The following FANCL variants were observed in gnomAD, a reference collection of about 807,000 sequenced individuals.
The protein encoded by FANCL is E3 ubiquitin-protein ligase FANCL.
FANCL carries 69 observed loss-of-function variants against 59.4 expected under a neutral mutation model. The ratio of observed to expected loss-of-function variants is 1.16; its 90% CI spans 0.96 to 1.42. The LOEUF (loss-of-function observed/expected upper bound fraction) is 1.42, where lower values mean the gene tolerates loss of function less well. Among genes scored for constraint, FANCL ranks in the 40% most tolerant of loss-of-function variants. The probability of loss-of-function intolerance (pLI) is 0.00; values close to 1 mark genes in which losing one functional copy is unlikely to be tolerated. For synonymous variants in FANCL, 180 were observed against 147.1 expected (o/e 1.22, Z -1.62); for missense variants, 519 against 447.2 (o/e 1.16, Z -1.45).
At chr2:58,213,239 TTTAAA>T (rs1392057553) in intron 5 of FANCL, among the ~76,000 whole-genome samples, 2 of 152,198 alleles carry the variant, frequency 1.3e-5, no homozygotes, top group Admixed American at 6.5e-5. Context: ...CAAAAGATAA[TTTAAA>T]TTAAGAATTT....
At chr2:58,165,632 AG>A in intron 8 of FANCL, 91 bp downstream of exon 8, 2 of 1,484,518 alleles carry the variant, frequency 1.3e-6, no homozygotes, top group Non-Finnish European at 1.9e-6. Context: ...CTTCATATAA[AG>A]AAGTCTGAGT....
At chr2:58,201,213 G>A (rs1162671575) in intron 6 of FANCL, among the ~76,000 whole-genome samples, 3 of 151,152 alleles carry the variant, frequency 2.0e-5, no homozygotes, top group Non-Finnish European at 4.4e-5. Flanking sequence ...TAAAACCACT[G>A]ACAACTAATT....
At chr2:58,194,441 G>A (rs937585349) in intron 7 of FANCL, among the ~76,000 whole-genome samples, 1 of 152,148 alleles carries the variant, frequency 6.6e-6, no homozygotes, top group African/African-American at 2.4e-5. Context: ...TTAGAAAGTA[G>A]AATAAAATTA....
At chr2:58,206,286 A>C (rs915979241) in intron 5 of FANCL, among the ~76,000 whole-genome samples, 2 of 152,136 alleles carry the variant, frequency 1.3e-5, no homozygotes, top group African/African-American at 4.8e-5. Context: ...TAATCAGTTC[A>C]TAATTCCTAA....
intron 7 of FANCL, among the ~76,000 whole-genome samples, chr2:58,168,535 T>A (rs13032851): frequency 6.6e-6 from 1 of 151,958 alleles, no homozygotes; most frequent in Non-Finnish European, 1.5e-5. Context: ...TGGGCAGACA[T>A]TGAGCTAGCT....
chr2:58,194,711 T>G (rs1689264406), intron 7 of FANCL, among the ~76,000 whole-genome samples: 1 of 151,940 alleles, frequency 6.6e-6, no homozygotes, highest in African/African-American at 2.4e-5. Flanking sequence ...CTACTAGGCT[T>G]GTCATGACGC....
At chr2:58,173,876 T>C (rs1298892830) in intron 7 of FANCL, among the ~76,000 whole-genome samples, 1 of 152,124 alleles carries the variant, frequency 6.6e-6, no homozygotes, top group African/African-American at 2.4e-5. Flanking sequence ...ATCAGTGTGC[T>C]GTATTCAGGA....
chr2:58,161,709 G>A (rs539421608), intron 11 of FANCL, 71 bp from the exon 12 acceptor site: 5 of 1,000,050 alleles, frequency 5.0e-6, no homozygotes, highest in African/African-American at 4.8e-5. Flanking sequence ...ATTTGGGAGG[G>A]TATGTGTGAT....
In FANCL at chr2:58,168,862, G is replaced by C. The variant is rs112309259; in HGVS notation, c.541-2988C>G. Among the ~76,000 whole-genome samples the C allele has an allele frequency of 1.3e-3, 201 of 152,244 alleles. 3 individuals are homozygous for C. The highest frequency in any genetic ancestry group is 4.6e-3 in the African/African-American group (193 of 41,554). ...CTGGAACTGGGCAGAGCTCACCGCA[G>C]CTCAGCAAAGCCTCTGTAGCCAGAC... On this transcript the variant is annotated intron_variant, in intron 7 of 13. Coordinates refer to ENST00000233741, the MANE Select transcript of FANCL (RefSeq NM_018062.4).
At chr2:58,233,742 A>C (rs2103945840) in intron 1 of FANCL, among the ~76,000 whole-genome samples, 1 of 152,148 alleles carries the variant, frequency 6.6e-6, no homozygotes, top group African/African-American at 2.4e-5. Flanking sequence ...TAAGTGTAAA[A>C]AAAAATAGTA....
intron 3 of FANCL, among the ~76,000 whole-genome samples, chr2:58,229,467 T>A (rs1226698949): frequency 6.6e-6 from 1 of 152,214 alleles, no homozygotes; most frequent in Non-Finnish European, 1.5e-5. Context: ...TAAAATCCCA[T>A]TTTTGCCACA....
At chr2:58,168,747 C>T (rs574613670) in intron 7 of FANCL, among the ~76,000 whole-genome samples, 1 of 152,096 alleles carries the variant, frequency 6.6e-6, no homozygotes, top group Non-Finnish European at 1.5e-5. Context: ...ACCTGGGGCA[C>T]TCAAGCTTGG....
At position 58,214,066 on chromosome 2, in the gene FANCL, A is replaced by G. The variant is rs150735157; in HGVS notation, c.374+7876T>C. Reference sequence around the variant, plus strand: ...GAAAAAGTTGGAAATAAAAATATTTATCCTAAAATTTATCCTGAGAAATTA... The same window carrying G: ...GAAAAAGTTGGAAATAAAAATATTTGTCCTAAAATTTATCCTGAGAAATTA... On this transcript the variant is annotated intron_variant, in intron 5 of 13. Coordinates refer to ENST00000233741, the MANE Select transcript of FANCL (RefSeq NM_018062.4). Among the ~76,000 whole-genome samples, 890 of 152,334 alleles carry G rather than the reference A, an allele frequency of 5.8e-3. 12 individuals are homozygous for G. Among genetic ancestry groups the G allele is most frequent in the African/African-American group, 0.02 (840 of 41,572 alleles).
At chr2:58,174,495 C>T (rs377060600) in intron 7 of FANCL, among the ~76,000 whole-genome samples, 2 of 152,220 alleles carry the variant, frequency 1.3e-5, no homozygotes, top group East Asian at 3.9e-4. Context: ...CACTCAAAAC[C>T]GCTCATCTAC....
intron 1 of FANCL, among the ~76,000 whole-genome samples, chr2:58,235,032 T>C (rs1209408610): frequency 2.6e-5 from 4 of 152,004 alleles, no homozygotes; most frequent in Admixed American, 2.6e-4. Context: ...GGGAGTATTT[T>C]CAGGCTGCAA....
At chr2:58,209,269 T>C (rs542629449) in intron 5 of FANCL, among the ~76,000 whole-genome samples, 2 of 152,348 alleles carry the variant, frequency 1.3e-5, no homozygotes, top group South Asian at 4.1e-4. Flanking sequence ...GTAGAGGATG[T>C]TGTCAGACTG....
At chr2:58,236,368 AAACCAATAGTGCATAAAAAATG>A (rs2103984786) in intron 1 of FANCL, among the ~76,000 whole-genome samples, 1 of 152,130 alleles carries the variant, frequency 6.6e-6, no homozygotes, top group South Asian at 2.1e-4. Context: ...TATAGTTGAT[AAACCAATAGTGCATAAAAAATG>A]GAATCCTAAT....
At chr2:58,162,764 T>C (rs1363501224) in intron 11 of FANCL, 102 bp downstream of exon 11, 7 of 1,031,630 alleles carry the variant, frequency 6.8e-6, no homozygotes, top group Non-Finnish European at 9.0e-6. Flanking sequence ...TTATAATATT[T>C]TTCTAATTCC....
rs1396682398 is a variant in FANCL at position 58,181,371 on chromosome 2, C to A, written c.541-15497G>T. ...TAACTAAGCTTTGGTGGAAAACAAT[C>A]AAAATAATGGGGATTTACTAGGATG... On this transcript the variant is annotated intron_variant, in intron 7 of 13. Transcript: ENST00000233741. Among the ~76,000 whole-genome samples, 8 of 152,076 alleles carry A rather than the reference C, an allele frequency of 5.3e-5. No individual in the cohort carries two copies. The South Asian group carries it at 1.4e-3, about 28-fold the overall frequency.
Sources: allele counts gnomAD v4.1 joint callset (sites outside exome capture counted in the v4.1 genomes callset), GRCh38; gene constraint gnomAD v4.1.1; transcripts MANE v1.5; gene names NCBI Gene and HGNC (gene_info 2026-07-23, HGNC 2026-07-21).